The following SEC23IP variants were observed in gnomAD, a reference collection of about 807,000 sequenced individuals.
SEC23IP encodes SEC23-interacting protein.
SEC23IP carries 70 observed loss-of-function variants against 113.4 expected under a neutral mutation model. The observed-to-expected ratio is 0.62, with a 90% CI of 0.51 to 0.75. The LOEUF (loss-of-function observed/expected upper bound fraction) is 0.75. SEC23IP is among the 30% of genes least tolerant of loss of function. The pLI, the probability that SEC23IP is intolerant of heterozygous loss-of-function variation, is 0.00. For synonymous variants in SEC23IP, 398 were observed against 421.0 expected (o/e 0.95, Z 0.67); for missense variants, 1,160 against 1,204.9 (o/e 0.96, Z 0.55).
intron 1 of SEC23IP, 22 bp from the exon 2 acceptor site, chr10:119,898,405 A>G (rs202173869): frequency 1.5e-5 from 24 of 1,593,172 alleles, no homozygotes; most frequent in Admixed American, 6.8e-5. Flanking sequence ...TTTAAACCAC[A>G]TGCTCTCCTG....
At position 119,919,323 on chromosome 10, in the gene SEC23IP, C is replaced by G. The variant is rs532612525; in HGVS notation, c.1873-121C>G. 509 of 903,944 alleles carry G rather than the reference C, an allele frequency of 5.6e-4. 5 individuals carry two copies. The South Asian group carries it at 8.3e-3, about 15-fold the overall frequency. 56.0% of individuals were successfully genotyped at this position (903,944 alleles called of 1,614,324 possible). A position where few individuals can be genotyped will look rare whatever the true frequency, so the allele number is the denominator to read the frequency against. On this transcript the variant is annotated intron_variant, in intron 10 of 18. Coordinates refer to ENST00000369075, the MANE Select transcript of SEC23IP (RefSeq NM_007190.4). ...TATTCAAACTTTGAATGGCAAAGTA[C>G]TGTGCCTAAAATTATGATTTCTGTG...
intron 18 of SEC23IP, among the ~76,000 whole-genome samples, chr10:119,936,788 A>AG (rs1199930053): frequency 1.3e-4 from 19 of 151,950 alleles, no homozygotes; most frequent in African/African-American, 4.6e-4. Context: ...GGTGTATCTT[A>AG]ACTGGCTGAT....
rs1855108200 is a variant in SEC23IP, at chr10:119,917,953, A to G, written c.1662A>G (p.Lys554=). ...SPTYCQTIVE[K]VGMEINHLHA... is the part of the protein sequence containing the mutation. ...CCTACTGTCAGACAATTGTGGAAAA[A>G]GTAGGAATGGAGATAAACCATCTGC... Residue 554 remains lysine, a synonymous_variant, in exon 9 of 19, where the codon AAA becomes AAG. Coordinates refer to ENST00000369075, the MANE Select transcript of SEC23IP (RefSeq NM_007190.4). 4 of 1,614,112 alleles carry G rather than the reference A, an allele frequency of 2.5e-6. No individual in the cohort carries two copies. Among genetic ancestry groups the G allele is most frequent in the Non-Finnish European group, 3.4e-6 (4 of 1,179,982 alleles).
At chr10:119,923,462 TC>T (rs1350074402) in intron 12 of SEC23IP, among the ~76,000 whole-genome samples, 1 of 152,160 alleles carries the variant, frequency 6.6e-6, no homozygotes, top group Non-Finnish European at 1.5e-5. Flanking sequence ...GCTTTTTTTT[TC>T]TTTTTAAAGC....
intron 6 of SEC23IP, among the ~76,000 whole-genome samples, chr10:119,913,382 A>G (rs940951275): frequency 6.6e-6 from 1 of 152,172 alleles, no homozygotes; most frequent in African/African-American, 2.4e-5. Flanking sequence ...CAGATAGCAG[A>G]TAGGCTTTGC....
chr10:119,914,820 G>T lies in SEC23IP; in HGVS notation c.1402+1G>T, dbSNP rs2134487142. 1 of 1,612,832 alleles carries T rather than the reference G, an allele frequency of 6.2e-7. No homozygotes were observed. The highest frequency in any genetic ancestry group is 8.5e-7 in the Non-Finnish European group (1 of 1,178,844). Reference sequence around the variant, plus strand: ...CGCTTTAGGAGCATTATTGAGTGTGGTAAGTGTTGGGTATATTGTATTTCA... The same window carrying T: ...CGCTTTAGGAGCATTATTGAGTGTGTTAAGTGTTGGGTATATTGTATTTCA... On this transcript the variant is annotated splice_donor_variant, in intron 7 of 18. Transcript: ENST00000369075. LOFTEE classifies it high-confidence loss of function.
rs111878623 is a variant in SEC23IP, at chr10:119,941,492, T to G, written c.*927T>G. The stretch of plus-strand genomic sequence containing the variant: ...ACAAGACTGCTTTGTAATATTTCAC[T>G]TTGTTTTACTACAAATTCAGATCAC... On this transcript the variant is annotated 3_prime_UTR_variant, in exon 19 of 19. Transcript: ENST00000369075. The G allele has an allele frequency of 2.1e-4, 32 of 152,342 alleles. No individual in the cohort carries two copies. Among genetic ancestry groups the G allele is most frequent in the African/African-American group, 7.5e-4 (31 of 41,460 alleles). The allele number at this position is 152,342 out of a possible 1,614,324, so 9.4% of individuals were successfully genotyped here.
Position 119,926,105 on chromosome 10 carries a change from A to C in SEC23IP, c.2191A>C (p.Lys731Gln). 1 of 1,614,174 alleles carries C rather than the reference A, an allele frequency of 6.2e-7. No homozygotes were observed. Among genetic ancestry groups the C allele is most frequent in the Non-Finnish European group, 8.5e-7 (1 of 1,180,030 alleles). Residue 731 changes from lysine to glutamine, a missense_variant, in exon 13 of 19, where the codon AAG becomes CAG. Lys to Gln is a moderately conservative substitution (Grantham distance 53, BLOSUM62 1). Coordinates refer to ENST00000369075, the MANE Select transcript of SEC23IP (RefSeq NM_007190.4). ...STKGQEQSAQ[K>Q]TKDMASLPSE... ...AAAAGGACAAGAGCAAAGTGCCCAG[A>C]AGACTAAAGACATGGCTTCCCTCCC...
intron 15 of SEC23IP, among the ~76,000 whole-genome samples, chr10:119,930,811 C>G (rs561179007): frequency 6.6e-6 from 1 of 152,152 alleles, no homozygotes; most frequent in Admixed American, 6.5e-5. Context: ...TTCTTGCTAA[C>G]TAGACACACC....
chr10:119,905,113 A>G (rs1427669925), intron 4 of SEC23IP, among the ~76,000 whole-genome samples: 2 of 152,010 alleles, frequency 1.3e-5, no homozygotes, highest in African/African-American at 4.8e-5. Flanking sequence ...CAGCCTGGGC[A>G]ATGGGAATGA....
rs1284506740 is a variant in SEC23IP, at chr10:119,904,284, G to T, written c.1101+7G>T. On this transcript the variant is annotated splice_region_variant and intron_variant, in intron 4 of 18. Coordinates refer to ENST00000369075, the MANE Select transcript of SEC23IP (RefSeq NM_007190.4). ...GTTCAGTGAAAAACTAGAGGTACGG[G>T]TGCTTTATTTCTTTATGAGTTTCTT... 4 of 1,613,046 alleles carry T rather than the reference G, an allele frequency of 2.5e-6. No individual in the cohort carries two copies. The African/African-American group carries it at 5.3e-5, about 22-fold the overall frequency.
intron 8 of SEC23IP, among the ~76,000 whole-genome samples, chr10:119,916,475 A>G (rs1855057681): frequency 1.3e-5 from 2 of 152,236 alleles, no homozygotes; most frequent in African/African-American, 2.4e-5. Flanking sequence ...ATGCTGGCAC[A>G]TGTCTAGATT....
At chr10:119,914,667 G>A (rs1854987348) in intron 6 of SEC23IP, 63 bp from the exon 7 acceptor site, 1 of 1,303,058 alleles carries the variant, frequency 7.7e-7, no homozygotes, top group Admixed American at 1.7e-5. Flanking sequence ...CTAGAATATT[G>A]CCATTAGGAA....
At chr10:119,929,431 T>G (rs1246456289) in intron 13 of SEC23IP, among the ~76,000 whole-genome samples, 176 bp from the exon 14 acceptor site, 1 of 152,120 alleles carries the variant, frequency 6.6e-6, no homozygotes, top group Non-Finnish European at 1.5e-5. Context: ...AGACAGGGTT[T>G]CACTGTGTTA....
At chr10:119,935,527 C>T (rs1251339904) in intron 18 of SEC23IP, among the ~76,000 whole-genome samples, 1 of 152,088 alleles carries the variant, frequency 6.6e-6, no homozygotes, top group East Asian at 1.9e-4. Context: ...TGAGATTGTC[C>T]CATATCTATC....
chr10:119,903,030 A>G, intron 3 of SEC23IP, 21 bp downstream of exon 3: 4 of 1,563,832 alleles, frequency 2.6e-6, no homozygotes, highest in Non-Finnish European at 3.5e-6. Flanking sequence ...GTCATACATC[A>G]TTCATATCTG....
Position 119,932,251 on chromosome 10 carries a change from G to C in SEC23IP, c.2691G>C (p.Gln897His). 1 of 1,614,088 alleles carries C rather than the reference G, an allele frequency of 6.2e-7. No individual in the cohort carries two copies. The highest frequency in any genetic ancestry group is 8.5e-7 in the Non-Finnish European group (1 of 1,179,976). ...CCCGTGCTCATACGTCTTCAACCCAGTTGCAAGAAGAATTGGAGAAGGTGG... is the reference window on the plus strand; with the variant it reads ...CCCGTGCTCATACGTCTTCAACCCACTTGCAAGAAGAATTGGAGAAGGTGG... The part of the protein sequence containing the change: ...EFARAHTSST[Q>H]LQEELEKVAN... Residue 897 changes from glutamine (Q) to histidine (H), a missense_variant, in exon 16 of 19, where the codon CAG becomes CAC. Gln to His is a conservative substitution (Grantham distance 24, BLOSUM62 0). Coordinates refer to ENST00000369075, the MANE Select transcript of SEC23IP (RefSeq NM_007190.4).
At position 119,898,624 on chromosome 10, in the gene SEC23IP, C is replaced by G; in HGVS notation, c.361C>G (p.Pro121Ala). The G allele has an allele frequency of 6.2e-7, 1 of 1,614,216 alleles. No homozygotes were observed. The highest frequency in any genetic ancestry group is 8.5e-7 in the Non-Finnish European group (1 of 1,180,044). Residue 121 changes from proline (P) to alanine (A), a missense_variant, in exon 2 of 19, where the codon CCT becomes GCT. Coordinates refer to ENST00000369075, the MANE Select transcript of SEC23IP (RefSeq NM_007190.4). ...ATTCCCCAAGCCCCTGACTGCTCTC[C>G]CTTTTACAACTGGATCCCAAGATGT... Reference protein sequence around the residue: ...SGFPKPLTALPFTTGSQDVSN... With the variant: ...SGFPKPLTALAFTTGSQDVSN...
rs1389984216 is a variant in SEC23IP at position 119,902,931 on chromosome 10, A to G, written c.829A>G (p.Lys277Glu). The change falls in exon 3 of 19, where the codon AAG becomes GAG. Residue 277 changes from lysine to glutamate, a missense_variant. Coordinates refer to ENST00000369075, the MANE Select transcript of SEC23IP (RefSeq NM_007190.4). ...TGTTCAGCCCCACTGGTTTTACTGC[A>G]AGGAGGTAGAATACAAACAACTGTG... ...EPVQPHWFYCKEVEYKQLWMP... is the reference protein window; with the variant it reads ...EPVQPHWFYCEEVEYKQLWMP... 2 of 1,614,196 alleles carry G rather than the reference A, an allele frequency of 1.2e-6. No individual in the cohort carries two copies. The highest frequency in any genetic ancestry group is 1.7e-5 in the Admixed American group (1 of 60,024).
Sources: allele counts gnomAD v4.1 joint callset (sites outside exome capture counted in the v4.1 genomes callset), GRCh38; gene constraint gnomAD v4.1.1; transcripts MANE v1.5; gene names NCBI Gene and HGNC (gene_info 2026-07-23, HGNC 2026-07-21).